CSMD1: variants seen among roughly 807,000 people sequenced by gnomAD.
The protein encoded by CSMD1 is CUB and Sushi multiple domains 1, also known as CUB and sushi domain-containing protein 1.
A neutral mutation model predicts 417.5 loss-of-function variants in CSMD1; 213 were observed. That is an observed-to-expected ratio of 0.51 (90% CI 0.46 to 0.57). The LOEUF (loss-of-function observed/expected upper bound fraction) is 0.57, where lower values mean the gene tolerates loss of function less well. Among genes scored for constraint, CSMD1 ranks in the 20% least tolerant of loss-of-function variants. The probability of loss-of-function intolerance (pLI) is 0.00; values close to 1 mark genes in which losing one functional copy is unlikely to be tolerated. For missense variants in CSMD1, 6,923 were observed against 4,529.7 expected (o/e 1.53, Z -15.17); for synonymous variants, 2,862 against 1,736.8 (o/e 1.65, Z -16.11).
chr8:3,572,172 C>G (rs556221654), intron 10 of CSMD1, among the ~76,000 whole-genome samples: 2 of 152,268 alleles, frequency 1.3e-5, no homozygotes, highest in Non-Finnish European at 2.9e-5. Context: ...GGGGCGCATT[C>G]GAGCACTCCT....
chr8:4,018,377 T>C (rs1229882428), intron 4 of CSMD1, among the ~76,000 whole-genome samples: 2 of 152,180 alleles, frequency 1.3e-5, no homozygotes, highest in African/African-American at 2.4e-5. Context: ...TGCCATCATC[T>C]TTCTCTCTTG....
chr8:3,622,162 G>C (rs1295787514), intron 7 of CSMD1, among the ~76,000 whole-genome samples: 1 of 152,104 alleles, frequency 6.6e-6, no homozygotes, highest in Non-Finnish European at 1.5e-5. Context: ...AATTTATCTT[G>C]TAAATGCATT....
chr8:3,266,783 TCA>T (rs1491467855), intron 26 of CSMD1, among the ~76,000 whole-genome samples: 25 of 64,884 alleles, frequency 3.9e-4, no homozygotes, highest in Middle Eastern at 7.9e-3. Flanking sequence ...TTAAAAAAAA[TCA>T]AAAAAAAAAA....
chr8:4,871,274 T>G (rs1802724003), intron 1 of CSMD1, among the ~76,000 whole-genome samples: 1 of 152,160 alleles, frequency 6.6e-6, no homozygotes, highest in Non-Finnish European at 1.5e-5. Flanking sequence ...TCTTAGGAAA[T>G]TTTAAATTTC....
intron 5 of CSMD1, among the ~76,000 whole-genome samples, chr8:3,830,451 T>C (rs1802311276): frequency 6.6e-6 from 1 of 152,248 alleles, no homozygotes; most frequent in Non-Finnish European, 1.5e-5. Flanking sequence ...GTGATTGTTT[T>C]AACACCATTT....
chr8:4,683,317 A>C (rs1317644248), intron 1 of CSMD1, among the ~76,000 whole-genome samples: 3 of 152,146 alleles, frequency 2.0e-5, no homozygotes, highest in African/African-American at 4.8e-5. Flanking sequence ...TTTAATAGTA[A>C]ATGCATTTCC....
At chr8:3,215,491 T>G (rs532952876) in intron 29 of CSMD1, among the ~76,000 whole-genome samples, 5 of 152,330 alleles carry the variant, frequency 3.3e-5, no homozygotes, top group African/African-American at 1.2e-4. Flanking sequence ...ATCATAAGAA[T>G]GTAAAACTCA....
In CSMD1 at chr8:4,779,607, G is replaced by A. The variant is rs76723762; in HGVS notation, c.86-142049C>T. Among the ~76,000 whole-genome samples the A allele has an allele frequency of 9.2e-3, 1,404 of 152,340 alleles. 10 individuals carry two copies. The highest frequency in any genetic ancestry group is 0.015 in the Non-Finnish European group (1,024 of 68,030). The stretch of plus-strand genomic sequence containing the variant: ...CAAAGGAACACAGGAAGCATTAGCT[G>A]TACGCCTCCAGCACTTCTCAAGCTT... On this transcript the variant is annotated intron_variant, in intron 1 of 69. Coordinates refer to ENST00000635120, the MANE Select transcript of CSMD1 (RefSeq NM_033225.6).
chr8:2,973,686 G>A (rs959761754), intron 56 of CSMD1, among the ~76,000 whole-genome samples: 25 of 151,678 alleles, frequency 1.6e-4, no homozygotes, highest in Non-Finnish European at 3.1e-4. Context: ...AAAAGTCAAA[G>A]GAGAGGTTTA....
At chr8:3,190,493 G>C (rs35370137) in intron 33 of CSMD1, among the ~76,000 whole-genome samples, 1 of 152,070 alleles carries the variant, frequency 6.6e-6, no homozygotes, top group Non-Finnish European at 1.5e-5. Context: ...GTGATAATGA[G>C]ATGACTAACC....
intron 10 of CSMD1, among the ~76,000 whole-genome samples, chr8:3,523,642 C>G (rs555164261): frequency 6.6e-6 from 1 of 151,072 alleles, no homozygotes; most frequent in Non-Finnish European, 1.5e-5. Flanking sequence ...GAGACACGTG[C>G]ACACACAGGC....
At chr8:4,126,256 G>C (rs982873123) in intron 3 of CSMD1, among the ~76,000 whole-genome samples, 1 of 152,074 alleles carries the variant, frequency 6.6e-6, no homozygotes, top group Non-Finnish European at 1.5e-5. Flanking sequence ...TCTCCCACAC[G>C]ACCGGCTCTG....
intron 37 of CSMD1, among the ~76,000 whole-genome samples, chr8:3,165,126 G>A (rs942233044): frequency 3.3e-5 from 5 of 152,076 alleles, no homozygotes; most frequent in Non-Finnish European, 7.4e-5. Context: ...TATTTGAAAT[G>A]TAAAAAGAAC....
At chr8:4,476,700 G>T (rs1299004904) in intron 2 of CSMD1, among the ~76,000 whole-genome samples, 1 of 152,014 alleles carries the variant, frequency 6.6e-6, no homozygotes, top group Non-Finnish European at 1.5e-5. Context: ...TTCAAGTCCC[G>T]ATTTCACCAC....
intron 40 of CSMD1, among the ~76,000 whole-genome samples, chr8:3,143,274 T>C (rs898167219): frequency 6.6e-6 from 1 of 152,324 alleles, no homozygotes; most frequent in East Asian, 1.9e-4. Context: ...CACAAGTTTA[T>C]TAGTTTAGCA....
chr8:4,295,232 ATATG>A (rs1563405759), intron 3 of CSMD1, among the ~76,000 whole-genome samples: 1 of 20,526 alleles, frequency 4.9e-5, no homozygotes, highest in African/African-American at 9.6e-5. Context: ...TCTTAAGATT[ATATG>A]CACATATAAT....
intron 5 of CSMD1, among the ~76,000 whole-genome samples, chr8:3,936,413 T>C (rs1005197177): frequency 2.0e-5 from 3 of 152,130 alleles, no homozygotes; most frequent in African/African-American, 7.2e-5. Context: ...CTTTAAAGCT[T>C]CAGAAGACAG....
intron 6 of CSMD1, among the ~76,000 whole-genome samples, chr8:3,710,079 G>C (rs764324743): frequency 1.3e-5 from 2 of 151,854 alleles, no homozygotes; most frequent in South Asian, 2.1e-4. Context: ...TTAACATATA[G>C]ACTCATATCT....
intron 25 of CSMD1, among the ~76,000 whole-genome samples, chr8:3,286,407 C>T (rs1011995431): frequency 1.2e-4 from 18 of 152,144 alleles, no homozygotes; most frequent in Admixed American, 5.2e-4. Context: ...GCCACACTGA[C>T]TTCCACAATG....
Sources: gnomAD v4.1 joint callset for allele counts (sites outside exome capture counted in the v4.1 genomes callset) on GRCh38, gnomAD v4.1.1 for gene constraint, MANE v1.5 for transcripts, NCBI Gene and HGNC (gene_info 2026-07-23, HGNC 2026-07-21) for gene names.